SNN: variants seen among roughly 807,000 people sequenced by gnomAD.
SNN encodes stannin, also known as AG8_1.
Under a neutral mutation model 5.3 loss-of-function variants are expected in SNN, and 5 were observed. The ratio of observed to expected loss-of-function variants is 0.94; its 90% CI spans 0.49 to 1.97. The LOEUF (loss-of-function observed/expected upper bound fraction) is 1.97. Ranked by LOEUF, SNN falls within the 30% of genes most tolerant of loss-of-function variation. The probability of loss-of-function intolerance (pLI) is 0.01; values close to 1 mark genes in which losing one functional copy is unlikely to be tolerated. For synonymous variants in SNN, 67 were observed against 52.1 expected (o/e 1.29, Z -1.24); for missense variants, 127 against 121.6 (o/e 1.04, Z -0.21).
Position 11,676,697 on chromosome 16 carries a change from T to C in SNN, c.*371T>C, listed in dbSNP as rs1027014740. The C allele has an allele frequency of 4.3e-6, 1 of 234,850 alleles. No homozygotes were observed. The highest frequency in any genetic ancestry group is 9.2e-6 in the Non-Finnish European group (1 of 108,868). 14.5% of individuals were successfully genotyped at this position (234,850 alleles called of 1,614,324 possible). A position where few individuals can be genotyped will look rare whatever the true frequency, so the allele number is the denominator to read the frequency against. The stretch of plus-strand genomic sequence containing the variant: ...CTGGAAGCACGTGCTTAAGCCCTTT[T>C]GCTGATTTTTAAAAATATCATCTAG... On this transcript the variant is annotated 3_prime_UTR_variant, in exon 2 of 2. Coordinates refer to ENST00000329565, the MANE Select transcript of SNN (RefSeq NM_003498.6).
rs951818890 is a variant in SNN at position 11,672,502 on chromosome 16, C to T, written c.-85-3473C>T. Among the ~76,000 whole-genome samples the T allele has an allele frequency of 1.3e-5, 2 of 152,126 alleles. No homozygotes were observed. The highest frequency in any genetic ancestry group is 2.1e-4 in the South Asian group (1 of 4,828). On this transcript the variant is annotated intron_variant, in intron 1 of 1. Transcript: ENST00000329565. The surrounding 1 kb of genome is among the most constrained non-coding windows in gnomAD (Gnocchi z 6.0). ...GGGCTCGCAGCGGAGGGTGTGGGGA[C>T]GCCTGGGGAGGCAGGGAGCTTGGAT...
At chr16:11,669,773 G>A (rs769566110) in intron 1 of SNN, among the ~76,000 whole-genome samples, 3 of 152,208 alleles carry the variant, frequency 2.0e-5, no homozygotes, top group African/African-American at 4.8e-5. Flanking sequence ...GGCCTGGCCC[G>A]AGGAAGACCC....
At position 11,675,972 on chromosome 16, in the gene SNN, C is replaced by A; in HGVS notation, c.-85-3C>A. On this transcript the variant is annotated splice_polypyrimidine_tract_variant and splice_region_variant and intron_variant, in intron 1 of 1. Transcript: ENST00000329565. Reference sequence around the variant, plus strand: ...CAGCTCGTCAACCTGCTTTGTCTTTCAGGACTCCCGTGTCCAGCCTGAGTT... The same window carrying A: ...CAGCTCGTCAACCTGCTTTGTCTTTAAGGACTCCCGTGTCCAGCCTGAGTT... 7.1e-7 allele frequency: 1 copy of A among 1,417,980 alleles called. No homozygotes were observed. Among genetic ancestry groups the A allele is most frequent in the Non-Finnish European group, 9.5e-7 (1 of 1,057,652 alleles). 87.8% of individuals were successfully genotyped at this position (1,417,980 alleles called of 1,614,324 possible).
At position 11,678,988 on chromosome 16, in the gene SNN, G is replaced by T; in HGVS notation, c.*2662G>T. 1.6e-6 allele frequency: 1 copy of T among 612,982 alleles called. No homozygotes were observed. The highest frequency in any genetic ancestry group is 2.1e-5 in the South Asian group (1 of 47,446). 38.0% of individuals were successfully genotyped at this position (612,982 alleles called of 1,614,324 possible). A position where few individuals can be genotyped will look rare whatever the true frequency, so the allele number is the denominator to read the frequency against. On this transcript the variant is annotated 3_prime_UTR_variant, in exon 2 of 2. Transcript: ENST00000329565. ...TTTTGGACAAATCTTCAAACGGACT[G>T]TGCTACTGTATTTGTCTCAAAGCTA...
In SNN at chr16:11,677,863, C is replaced by T. The variant is rs952904616; in HGVS notation, c.*1537C>T. 1 of 167,208 alleles carries T rather than the reference C, an allele frequency of 6.0e-6. No homozygotes were observed. Among genetic ancestry groups the T allele is most frequent in the Non-Finnish European group, 1.5e-5 (1 of 68,190 alleles). The allele number at this position is 167,208 out of a possible 1,614,324, so 10.4% of individuals were successfully genotyped here. On this transcript the variant is annotated 3_prime_UTR_variant, in exon 2 of 2. Transcript: ENST00000329565. This position sits in a 1 kb window ranked among gnomAD's most constrained non-coding sequence, Gnocchi z 4.2. ...TCAGACTAAAGGCACCTCCTCTGGC[C>T]TCACCCAAGCCTCTTCTAAAAACCA...
intron 1 of SNN, among the ~76,000 whole-genome samples, chr16:11,674,956 AC>A (rs925349976): frequency 5.3e-5 from 8 of 151,562 alleles, no homozygotes; most frequent in Middle Eastern, 3.4e-3. Flanking sequence ...CCTCTGTCTC[AC>A]CCTCCCTGCC....
At position 11,677,712 on chromosome 16, in the gene SNN, CTAATT is replaced by C. The variant is rs1365964772; in HGVS notation, c.*1388_*1392del. 1 of 166,956 alleles carries C rather than the reference CTAATT, an allele frequency of 6.0e-6. No homozygotes were observed. The highest frequency in any genetic ancestry group is 1.5e-5 in the Non-Finnish European group (1 of 68,128). 10.3% of individuals were successfully genotyped at this position (166,956 alleles called of 1,614,324 possible). On this transcript the variant is annotated 3_prime_UTR_variant, in exon 2 of 2. Coordinates refer to ENST00000329565, the MANE Select transcript of SNN (RefSeq NM_003498.6). The surrounding 1 kb of genome is among the most constrained non-coding windows in gnomAD (Gnocchi z 4.2). ...TTTTTAATCCCACCACAAGCACATA[CTAATT>C]TTATTTATGATTCAAATGTGACTCG...
rs1390484545 is a variant in SNN, at chr16:11,671,221, G to C, written c.-86+2681G>C. Among the ~76,000 whole-genome samples the C allele has an allele frequency of 6.6e-6, 1 of 152,164 alleles. No homozygotes were observed. The highest frequency in any genetic ancestry group is 1.9e-4 in the East Asian group (1 of 5,196). ...GGGGGTTCTGGAGAGCCTGGGCCTTGGATCTTGCTTTTATAGTGGGTGGGT... is the reference window on the plus strand; with the variant it reads ...GGGGGTTCTGGAGAGCCTGGGCCTTCGATCTTGCTTTTATAGTGGGTGGGT... On this transcript the variant is annotated intron_variant, in intron 1 of 1. Transcript: ENST00000329565. The surrounding 1 kb of genome is among the most constrained non-coding windows in gnomAD (Gnocchi z 4.7).
chr16:11,669,432 C>T (rs1294059209), intron 1 of SNN, among the ~76,000 whole-genome samples: 1 of 152,192 alleles, frequency 6.6e-6, no homozygotes, highest in Non-Finnish European at 1.5e-5. Context: ...GAGTCAGGGT[C>T]GAAATGCGGG....
chr16:11,675,237 ATTTC>A (rs972921349), intron 1 of SNN, among the ~76,000 whole-genome samples: 8 of 130,048 alleles, frequency 6.2e-5, no homozygotes, highest in Admixed American at 6.1e-4. Flanking sequence ...TGTCATTGTC[ATTTC>A]TTTTTCTTTT....
At position 11,678,136 on chromosome 16, in the gene SNN, G is replaced by A. The variant is rs769832929; in HGVS notation, c.*1810G>A. ...TGGTGTGGCAAGTTCAGAAGAGGTG[G>A]TGGTGGGGTAGGCGTGATGTCAGCA... On this transcript the variant is annotated 3_prime_UTR_variant, in exon 2 of 2. Transcript: ENST00000329565. 1.2e-5 allele frequency: 2 copies of A among 167,200 alleles called. No homozygotes were observed. The highest frequency in any genetic ancestry group is 2.4e-5 in the African/African-American group (1 of 41,422). The allele number at this position is 167,200 out of a possible 1,614,324, so 10.4% of individuals were successfully genotyped here.
intron 1 of SNN, among the ~76,000 whole-genome samples, chr16:11,674,704 C>T (rs2050287181): frequency 6.6e-6 from 1 of 152,240 alleles, no homozygotes; most frequent in Non-Finnish European, 1.5e-5. Flanking sequence ...ACTCCTGGCA[C>T]TTGCCAGGGG....
chr16:11,669,701 A>G (rs2050254284), intron 1 of SNN, among the ~76,000 whole-genome samples: 1 of 152,068 alleles, frequency 6.6e-6, no homozygotes, highest in African/African-American at 2.4e-5. Context: ...AAACAGGCCA[A>G]CCCTGGGGCA....
Position 11,678,958 on chromosome 16 carries a change from TA to T in SNN, c.*2634del. On this transcript the variant is annotated 3_prime_UTR_variant, in exon 2 of 2. Transcript: ENST00000329565. The stretch of plus-strand genomic sequence containing the variant: ...GACACTGAGCCACTAAAATATGGAC[TA>T]ATTTTTTGGACAAATCTTCAAACGG... 1.9e-6 allele frequency: 1 copy of T among 530,084 alleles called. No individual in the cohort carries two copies. Among genetic ancestry groups the T allele is most frequent in the Non-Finnish European group, 3.4e-6 (1 of 295,416 alleles). 32.8% of individuals were successfully genotyped at this position (530,084 alleles called of 1,614,324 possible). A position where few individuals can be genotyped will look rare whatever the true frequency, so the allele number is the denominator to read the frequency against.
chr16:11,679,105 C>A lies in SNN; in HGVS notation c.*2779C>A, dbSNP rs1015506281. ...TGATTTTCTAGACCACTGAGAAAATCTTTATTTACAATAAATTTCAATAAA... is the reference window on the plus strand; with the variant it reads ...TGATTTTCTAGACCACTGAGAAAATATTTATTTACAATAAATTTCAATAAA... On this transcript the variant is annotated 3_prime_UTR_variant, in exon 2 of 2. Transcript: ENST00000329565. This position sits in a 1 kb window ranked among gnomAD's most constrained non-coding sequence, Gnocchi z 4.6. The A allele has an allele frequency of 2.2e-6, 3 of 1,370,638 alleles. No homozygotes were observed. The highest frequency in any genetic ancestry group is 2.9e-5 in the African/African-American group (2 of 67,886). The allele number at this position is 1,370,638 out of a possible 1,614,324, so 84.9% of individuals were successfully genotyped here. A position where few individuals can be genotyped will look rare whatever the true frequency, so the allele number is the denominator to read the frequency against.
rs1220463508 is a variant in SNN, at chr16:11,668,546, C to A, written c.-86+6C>A. ...CGGGCCGCTGCCGCGCCATGGTGAGCCGGGCGGGGCAGGCCGCGCGCTCGG... is the reference window on the plus strand; with the variant it reads ...CGGGCCGCTGCCGCGCCATGGTGAGACGGGCGGGGCAGGCCGCGCGCTCGG... On this transcript the variant is annotated splice_donor_region_variant and intron_variant, in intron 1 of 1. Coordinates refer to ENST00000329565, the MANE Select transcript of SNN (RefSeq NM_003498.6). The surrounding 1 kb of genome is among the most constrained non-coding windows in gnomAD (Gnocchi z 6.8). 1 of 144,072 alleles carries A rather than the reference C, an allele frequency of 6.9e-6. No homozygotes were observed. Among genetic ancestry groups the A allele is most frequent in the Non-Finnish European group, 1.5e-5 (1 of 64,808 alleles). 8.9% of individuals were successfully genotyped at this position (144,072 alleles called of 1,614,324 possible). A position where few individuals can be genotyped will look rare whatever the true frequency, so the allele number is the denominator to read the frequency against.
At position 11,679,137 on chromosome 16, in the gene SNN, A is replaced by G; in HGVS notation, c.*2811A>G. The G allele has an allele frequency of 2.0e-6, 3 of 1,535,426 alleles. No homozygotes were observed. The highest frequency in any genetic ancestry group is 2.7e-6 in the Non-Finnish European group (3 of 1,131,014). ...TACAATAAATTTCAATAAAATTTGC[A>G]TAAATATATTCCCAATGTACAATTT... On this transcript the variant is annotated 3_prime_UTR_variant, in exon 2 of 2. Transcript: ENST00000329565. The surrounding 1 kb of genome is among the most constrained non-coding windows in gnomAD (Gnocchi z 4.6).
Position 11,671,037 on chromosome 16 carries a change from G to A in SNN, c.-86+2497G>A, listed in dbSNP as rs1459298543. Among the ~76,000 whole-genome samples, 1 of 152,276 alleles carries A rather than the reference G, an allele frequency of 6.6e-6. No homozygotes were observed. Among genetic ancestry groups the A allele is most frequent in the East Asian group, 1.9e-4 (1 of 5,206 alleles). On this transcript the variant is annotated intron_variant, in intron 1 of 1. Coordinates refer to ENST00000329565, the MANE Select transcript of SNN (RefSeq NM_003498.6). The surrounding 1 kb of genome is among the most constrained non-coding windows in gnomAD (Gnocchi z 4.7). ...ACCTGCAAGCTTGGGCTGCTGGGGA[G>A]GAGTGGCCAAGGGCGGTGCAGGCCC... is the stretch of plus-strand genomic sequence containing the variant.
At chr16:11,674,674 C>G (rs897801280) in intron 1 of SNN, among the ~76,000 whole-genome samples, 15 of 152,220 alleles carry the variant, frequency 9.9e-5, no homozygotes, top group African/African-American at 3.4e-4. Flanking sequence ...CCGCTCCCAC[C>G]CAAATCAGCT....
Sources: allele counts gnomAD v4.1 joint callset (sites outside exome capture counted in the v4.1 genomes callset), GRCh38; gene constraint gnomAD v4.1.1; non-coding constraint Gnocchi (gnomAD v3.1); transcripts MANE v1.5; gene names NCBI Gene and HGNC (gene_info 2026-07-23, HGNC 2026-07-21).